MBTD1: variants seen among roughly 807,000 people sequenced by gnomAD.
MBTD1 encodes mbt domain containing 1.
In MBTD1, 24 loss-of-function variants were observed where a neutral mutation model predicts 87.8. The ratio of observed to expected loss-of-function variants is 0.27; its 90% CI spans 0.20 to 0.38. The LOEUF is 0.38. Ranked by LOEUF, MBTD1 falls within the 10% of genes least tolerant of loss-of-function variation. MBTD1 has a pLI of 1.00. For synonymous variants in MBTD1, 237 were observed against 248.6 expected, an observed-to-expected ratio of 0.95 and a Z score of 0.44; for missense variants, 436 against 760.2, an observed-to-expected ratio of 0.57 and a Z score of 5.02.
chr17:51,192,798 C>T lies in MBTD1; in HGVS notation c.1674G>A (p.Gln558=), dbSNP rs762750244. Residue 558 remains glutamine, a synonymous_variant, in exon 15 of 17, where the codon CAG becomes CAA. Transcript: ENST00000586178. Reference sequence around the variant, plus strand: ...CCAACTTACACTGTGATGCTGGAGGCTGTAGTTGATATCCAGTTAACTGAC... The same window carrying T: ...CCAACTTACACTGTGATGCTGGAGGTTGTAGTTGATATCCAGTTAACTGAC... ...GWCQLTGYQL[Q]PPASQSSREN... The T allele has an allele frequency of 1.2e-6, 2 of 1,614,106 alleles. No individual in the cohort carries two copies. The highest frequency in any genetic ancestry group is 3.3e-5 in the Admixed American group (2 of 60,016).
intron 2 of MBTD1, among the ~76,000 whole-genome samples, chr17:51,232,412 C>T (rs2053597121): frequency 6.6e-6 from 1 of 151,922 alleles, no homozygotes; most frequent in African/African-American, 2.4e-5. Flanking sequence ...TTAAGAATCC[C>T]CAATACTTTG....
intron 16 of MBTD1, chr17:51,185,529 C>A (rs1262914982): frequency 6.6e-6 from 1 of 152,168 alleles, no homozygotes; most frequent in African/African-American, 2.4e-5. Context: ...ATTGAATTTC[C>A]AAATTTGTTA....
chr17:51,215,879 C>T (rs1272336178), intron 6 of MBTD1, among the ~76,000 whole-genome samples: 1 of 150,810 alleles, frequency 6.6e-6, no homozygotes, highest in Admixed American at 6.6e-5. Flanking sequence ...ACAACAGGAA[C>T]CTAAGCTCAG....
intron 6 of MBTD1, among the ~76,000 whole-genome samples, chr17:51,213,923 G>GAA (rs75278328): frequency 2.4e-5 from 3 of 126,728 alleles, no homozygotes; most frequent in Admixed American, 7.9e-5. Flanking sequence ...GTAAAGAAAA[G>GAA]AAAAAAAAAA....
intron 2 of MBTD1, among the ~76,000 whole-genome samples, chr17:51,228,148 C>A (rs1366566910): frequency 6.6e-6 from 1 of 151,998 alleles, no homozygotes; most frequent in Non-Finnish European, 1.5e-5. Flanking sequence ...CATGTTCTCA[C>A]TTATAAGTGG....
intron 2 of MBTD1, among the ~76,000 whole-genome samples, chr17:51,253,111 A>C (rs1332589518): frequency 6.6e-6 from 1 of 152,196 alleles, no homozygotes; most frequent in Non-Finnish European, 1.5e-5. Flanking sequence ...ATTTATATGA[A>C]GTATACAGTA....
intron 16 of MBTD1, chr17:51,191,995 CT>C (rs1429044992): frequency 1.8e-6 from 1 of 566,724 alleles, no homozygotes; most frequent in African/African-American, 1.9e-5. Context: ...ACTTTAAATA[CT>C]GTGGTAATAA....
chr17:51,177,524 C>G lies in MBTD1; in HGVS notation c.*3052G>C, dbSNP rs1275123221. The stretch of plus-strand genomic sequence containing the variant: ...AATTTTAATGCTTTTCACATCCATG[C>G]TGAAAATTTGCAATTTGGTAAAAAT... On this transcript the variant is annotated 3_prime_UTR_variant, in exon 17 of 17. Transcript: ENST00000586178. 1 of 152,156 alleles carries G rather than the reference C, an allele frequency of 6.6e-6. No individual in the cohort carries two copies. Among genetic ancestry groups the G allele is most frequent in the Non-Finnish European group, 1.5e-5 (1 of 68,026 alleles). The allele number at this position is 152,156 out of a possible 1,614,324, so 9.4% of individuals were successfully genotyped here.
rs571719261 is a variant in MBTD1 at position 51,255,667 on chromosome 17, C to T, written c.-49+3476G>A. On this transcript the variant is annotated intron_variant, in intron 2 of 16. Transcript: ENST00000586178. Reference sequence around the variant, plus strand: ...CTGGAGTCCAGTGGCACAATCATGGCTCACTTCAACCTGGGTCTCCCACCA... The same window carrying T: ...CTGGAGTCCAGTGGCACAATCATGGTTCACTTCAACCTGGGTCTCCCACCA... Among the ~76,000 whole-genome samples, 6 of 150,808 alleles carry T rather than the reference C, an allele frequency of 4.0e-5. No individual in the cohort carries two copies. The South Asian group carries it at 1.3e-3, about 31-fold the overall frequency.
chr17:51,247,130 T>G (rs1471795091), intron 2 of MBTD1, among the ~76,000 whole-genome samples: 1 of 152,216 alleles, frequency 6.6e-6, no homozygotes, highest in African/African-American at 2.4e-5. Context: ...TAAGGAAGTA[T>G]TCATCCATTC....
At chr17:51,187,538 T>C (rs1598281550) in intron 16 of MBTD1, among the ~76,000 whole-genome samples, 1 of 151,880 alleles carries the variant, frequency 6.6e-6, no homozygotes, top group East Asian at 1.9e-4. Flanking sequence ...CCAGGCATAG[T>C]GCATTAATCA....
At position 51,216,680 on chromosome 17, in the gene MBTD1, GGTTT is replaced by G. The variant is rs1471391411; in HGVS notation, c.486+650_486+653del. 7.9e-5 allele frequency among the ~76,000 whole-genome samples: 12 copies of G among 152,262 alleles called. No homozygotes were observed. In the South Asian group the frequency reaches 2.5e-3, roughly 32 times the overall value. ...GATTTAAGTAACATACACAATGAAT[GGTTT>G]GTTAGGTCAAATCGTATGACATTGT... On this transcript the variant is annotated intron_variant, in intron 6 of 16. Transcript: ENST00000586178.
At chr17:51,258,509 A>G (rs2055224355) in intron 2 of MBTD1, among the ~76,000 whole-genome samples, 1 of 108,514 alleles carries the variant, frequency 9.2e-6, no homozygotes, top group Non-Finnish European at 2.0e-5. Context: ...GTTACTTAAA[A>G]AAAAAAAAGA....
intron 2 of MBTD1, among the ~76,000 whole-genome samples, chr17:51,239,931 G>A (rs1436283075): frequency 1.3e-5 from 2 of 151,988 alleles, no homozygotes; most frequent in Admixed American, 6.6e-5. Flanking sequence ...CTCCAGTTTC[G>A]TCAACTGACT....
intron 2 of MBTD1, among the ~76,000 whole-genome samples, chr17:51,229,806 G>A (rs922961826): frequency 5.3e-5 from 8 of 151,664 alleles, no homozygotes; most frequent in East Asian, 1.9e-4. Flanking sequence ...GATTACAGGC[G>A]CCCACCACCA....
In MBTD1 at chr17:51,259,189, C is replaced by CT. The variant is rs544274587; in HGVS notation, c.-96dup. 412 of 1,137,820 alleles carry CT rather than the reference C, an allele frequency of 3.6e-4. 4 individuals are homozygous for CT. The East Asian group carries it at 9.8e-3, about 27-fold the overall frequency. 70.5% of individuals were successfully genotyped at this position (1,137,820 alleles called of 1,614,324 possible). A position where few individuals can be genotyped will look rare whatever the true frequency, so the allele number is the denominator to read the frequency against. On this transcript the variant is annotated 5_prime_UTR_variant, in exon 2 of 17. It removes the in-frame stop codon of an upstream open reading frame in the 5' UTR. Coordinates refer to ENST00000586178, the MANE Select transcript of MBTD1 (RefSeq NM_017643.3). ...AGGGGACGGCTGCTTTGGATGACCTCTAATGTCTCTTCCGACTCTGAAATG... is the reference window on the plus strand; with the variant it reads ...AGGGGACGGCTGCTTTGGATGACCTCTTAATGTCTCTTCCGACTCTGAAATG...
At chr17:51,220,564 T>A in intron 3 of MBTD1, 101 bp from the exon 4 acceptor site, 1 of 1,181,630 alleles carries the variant, frequency 8.5e-7, no homozygotes, top group Non-Finnish European at 1.2e-6. Context: ...AAGTTTTAAT[T>A]AAAAAATTTG....
At chr17:51,253,475 A>G (rs2054912548) in intron 2 of MBTD1, among the ~76,000 whole-genome samples, 1 of 152,160 alleles carries the variant, frequency 6.6e-6, no homozygotes, top group South Asian at 2.1e-4. Context: ...GAAAAAATAA[A>G]TCACAATATA....
intron 2 of MBTD1, among the ~76,000 whole-genome samples, chr17:51,241,727 C>G (rs1193974092): frequency 2.6e-5 from 4 of 152,064 alleles, no homozygotes; most frequent in Admixed American, 2.0e-4. Flanking sequence ...CCATGCCAGG[C>G]TATTTATTTT....
Sources: gnomAD v4.1 joint callset for allele counts (sites outside exome capture counted in the v4.1 genomes callset) on GRCh38, gnomAD v4.1.1 for gene constraint, MANE v1.5 for transcripts, NCBI Gene and HGNC (gene_info 2026-07-23, HGNC 2026-07-21) for gene names.